HEATR6: variants seen among roughly 807,000 people sequenced by gnomAD.
HEATR6 encodes the protein HEAT repeat containing 6.
A neutral mutation model predicts 132.8 loss-of-function variants in HEATR6; 106 were observed. The observed-to-expected ratio is 0.80, with a 90% CI of 0.68 to 0.94. The LOEUF (loss-of-function observed/expected upper bound fraction) is 0.94. HEATR6 is among the 40% of genes least tolerant of loss of function. The probability of loss-of-function intolerance (pLI) is 0.00; values close to 1 mark genes in which losing one functional copy is unlikely to be tolerated. For synonymous variants in HEATR6, 529 were observed against 537.8 expected (o/e 0.98, Z 0.23); for missense variants, 1,339 against 1,425.1 (o/e 0.94, Z 0.97).
chr17:60,077,265 G>A (rs1430622187), intron 1 of HEATR6, among the ~76,000 whole-genome samples: 1 of 152,190 alleles, frequency 6.6e-6, no homozygotes, highest in Non-Finnish European at 1.5e-5. Context: ...AGGATGAGGA[G>A]AAATTTGCCA....
At position 60,047,422 on chromosome 17, in the gene HEATR6, A is replaced by G. The variant is rs1394697281; in HGVS notation, c.2673-17T>C. ...GGTGTTTCCCTGTTCCACCCAAAGCAGACAACACATGTTAAAAGGTAAATA... is the reference window on the plus strand; with the variant it reads ...GGTGTTTCCCTGTTCCACCCAAAGCGGACAACACATGTTAAAAGGTAAATA... On this transcript the variant is annotated splice_polypyrimidine_tract_variant and intron_variant, in intron 17 of 19. Coordinates refer to ENST00000184956, the MANE Select transcript of HEATR6 (RefSeq NM_022070.5). 2.0e-6 allele frequency: 3 copies of G among 1,511,602 alleles called. No homozygotes were observed. Among genetic ancestry groups the G allele is most frequent in the Non-Finnish European group, 2.8e-6 (3 of 1,089,566 alleles). 93.6% of individuals were successfully genotyped at this position (1,511,602 alleles called of 1,614,324 possible). A position where few individuals can be genotyped will look rare whatever the true frequency, so the allele number is the denominator to read the frequency against.
chr17:60,049,689 A>G lies in HEATR6; in HGVS notation c.2438T>C (p.Met813Thr), dbSNP rs771759317. The change falls in exon 16 of 20, where the codon ATG becomes ACG. Residue 813 changes from methionine to threonine, a missense_variant. Physicochemically the swap from Met to Thr is moderately conservative, Grantham distance 81 (BLOSUM62 -1). Coordinates refer to ENST00000184956, the MANE Select transcript of HEATR6 (RefSeq NM_022070.5). Reference sequence around the variant, plus strand: ...CCCGAGCAGCACTGTGATGCACAGCATCTGCCTGTCATTCTGCAATGAGAA... The same window carrying G: ...CCCGAGCAGCACTGTGATGCACAGCGTCTGCCTGTCATTCTGCAATGAGAA... ...AFSNLPNDRQMLCITVLLGLN... is the reference protein window; with the variant it reads ...AFSNLPNDRQTLCITVLLGLN... The G allele has an allele frequency of 3.1e-6, 5 of 1,613,290 alleles. No homozygotes were observed. The African/African-American group carries it at 6.7e-5, about 22-fold the overall frequency.
chr17:60,047,465 A>G, intron 17 of HEATR6, 60 bp from the exon 18 acceptor site: 6 of 906,844 alleles, frequency 6.6e-6, no homozygotes, highest in Non-Finnish European at 1.0e-5. Flanking sequence ...ATATATACAT[A>G]TAGAAATATA....
At chr17:60,074,161 T>A (rs749356522) in intron 2 of HEATR6, 76 of 1,160,390 alleles carry the variant, frequency 6.5e-5, no homozygotes, top group Non-Finnish European at 7.7e-5. Flanking sequence ...CATTGGCAGC[T>A]GTGAATACAC....
At chr17:60,071,048 T>C (rs1390155094) in intron 5 of HEATR6, among the ~76,000 whole-genome samples, 1 of 152,172 alleles carries the variant, frequency 6.6e-6, no homozygotes, top group Non-Finnish European at 1.5e-5. Context: ...TACATGTTTA[T>C]AAACCACTAT....
intron 14 of HEATR6, among the ~76,000 whole-genome samples, chr17:60,053,309 T>C (rs908554037): frequency 2.6e-5 from 4 of 152,248 alleles, no homozygotes; most frequent in African/African-American, 4.8e-5. Flanking sequence ...GCTGGCACCA[T>C]GCTTCTCGTA....
intron 10 of HEATR6, 60 bp downstream of exon 10, chr17:60,059,830 A>G: frequency 8.0e-7 from 1 of 1,244,252 alleles, no homozygotes; most frequent in Non-Finnish European, 1.2e-6. Context: ...GAGCTATGTA[A>G]AACAGTATAC....
At position 60,041,516 on chromosome 17, in the gene HEATR6, T is replaced by A. The variant is rs767142489; in HGVS notation, c.*2047A>T. On this transcript the variant is annotated 3_prime_UTR_variant, in exon 20 of 20. Coordinates refer to ENST00000184956, the MANE Select transcript of HEATR6 (RefSeq NM_022070.5). ...ATTCAAGAGACGGAAGTTCCAAGAT[T>A]CATCACAGGGTCAGGTGGGCTCAAC... 6.6e-6 allele frequency among the ~76,000 whole-genome samples: 1 copy of A among 152,180 alleles called. No homozygotes were observed. Among genetic ancestry groups the A allele is most frequent in the Non-Finnish European group, 1.5e-5 (1 of 68,018 alleles).
Position 60,059,647 on chromosome 17 carries a change from AT to A in HEATR6, c.1624-127del. ...TAAAAATTAGCCCCCCTTTTTTTTA[AT>A]AACACTTGTATTCTCATTGGTACAA... On this transcript the variant is annotated intron_variant, in intron 10 of 19. Transcript: ENST00000184956. 5 of 678,420 alleles carry A rather than the reference AT, an allele frequency of 7.4e-6. No homozygotes were observed. The South Asian group carries it at 9.5e-5, about 13-fold the overall frequency. 42.0% of individuals were successfully genotyped at this position (678,420 alleles called of 1,614,324 possible).
At chr17:60,071,630 C>G (rs2083270192) in intron 5 of HEATR6, among the ~76,000 whole-genome samples, 2 of 152,034 alleles carry the variant, frequency 1.3e-5, no homozygotes, top group African/African-American at 4.8e-5. Context: ...ATAGATGTCC[C>G]AGAGATATTA....
At position 60,042,740 on chromosome 17, in the gene HEATR6, TG is replaced by T. The variant is rs1489914303; in HGVS notation, c.*822del. On this transcript the variant is annotated 3_prime_UTR_variant, in exon 20 of 20. Coordinates refer to ENST00000184956, the MANE Select transcript of HEATR6 (RefSeq NM_022070.5). ...TCAGCATCCTCGCGTCCTGTGCGGC[TG>T]TGAGGCACCGTCAGCATCCTCGCGT... is the stretch of plus-strand genomic sequence containing the variant. Among the ~76,000 whole-genome samples the T allele has an allele frequency of 1.4e-5, 1 of 71,250 alleles. No individual in the cohort carries two copies. The highest frequency in any genetic ancestry group is 2.5e-5 in the Non-Finnish European group (1 of 39,494). The allele number at this position is 71,250 out of a possible 152,430, so 46.7% of individuals were successfully genotyped here.
chr17:60,047,455 A>G (rs1450592048), intron 17 of HEATR6, 50 bp from the exon 18 acceptor site: 1 of 1,010,468 alleles, frequency 9.9e-7, no homozygotes, highest in Non-Finnish European at 1.5e-6. Context: ...ATACACTTAA[A>G]TATATACATA....
At position 60,050,935 on chromosome 17, in the gene HEATR6, T is replaced by C. The variant is rs1318395614; in HGVS notation, c.2332A>G (p.Arg778Gly). The C allele has an allele frequency of 8.7e-6, 14 of 1,614,094 alleles. No homozygotes were observed. The highest frequency in any genetic ancestry group is 1.2e-5 in the Non-Finnish European group (14 of 1,180,048). Residue 778 changes from arginine to glycine, a missense_variant, in exon 15 of 20, where the codon AGA becomes GGA. Arg to Gly is a moderately radical substitution (Grantham distance 125, BLOSUM62 -2). Transcript: ENST00000184956. The part of the protein sequence containing the change: ...WTMMLNGPLP[R>G]ALQNSEHPTL... ...GGGTGTTCTGAATTCTGCAGGGCTC[T>C]GGGTAAAGGACCGTTCAGCATCATA...
chr17:60,072,349 A>G lies in HEATR6; in HGVS notation c.585-20T>C. The G allele has an allele frequency of 7.4e-7, 1 of 1,352,826 alleles. No individual in the cohort carries two copies. 83.8% of individuals were successfully genotyped at this position (1,352,826 alleles called of 1,614,324 possible). A position where few individuals can be genotyped will look rare whatever the true frequency, so the allele number is the denominator to read the frequency against. On this transcript the variant is annotated intron_variant, in intron 4 of 19. Coordinates refer to ENST00000184956, the MANE Select transcript of HEATR6 (RefSeq NM_022070.5). The stretch of plus-strand genomic sequence containing the variant: ...GGCACACTAAACGCATACAGAGAAA[A>G]CAACTCAAACTCAGTCTCCTTTAAA...
chr17:60,064,871 C>T (rs1305282072), intron 9 of HEATR6: 1 of 152,038 alleles, frequency 6.6e-6, no homozygotes, highest in Non-Finnish European at 1.5e-5. Context: ...TCAGCTATGA[C>T]CTCATAACCT....
intron 2 of HEATR6, 120 bp from the exon 3 acceptor site, chr17:60,074,006 T>C (rs2083284344): frequency 2.1e-6 from 3 of 1,427,714 alleles, no homozygotes; most frequent in Non-Finnish European, 2.7e-6. Flanking sequence ...CTGTCGTTTA[T>C]GTGTCAAAAG....
At chr17:60,056,778 A>T (rs530756466) in intron 12 of HEATR6, among the ~76,000 whole-genome samples, 1 of 152,268 alleles carries the variant, frequency 6.6e-6, no homozygotes, top group South Asian at 2.1e-4. Context: ...ATTATTCTAC[A>T]ATCTATTACA....
At chr17:60,051,251 C>G (rs531628026) in intron 14 of HEATR6, among the ~76,000 whole-genome samples, 2 of 152,232 alleles carry the variant, frequency 1.3e-5, no homozygotes, top group African/African-American at 4.8e-5. Context: ...ATGACAGTAA[C>G]AGCAACAGCA....
rs2145204177 is a variant in HEATR6 at position 60,076,191 on chromosome 17, T to G, written c.266A>C (p.Asn89Thr). 6.2e-7 allele frequency: 1 copy of G among 1,612,094 alleles called. No homozygotes were observed. The highest frequency in any genetic ancestry group is 8.5e-7 in the Non-Finnish European group (1 of 1,179,670). ...LVQACRLVPL[N>T]QNHLVSKVSQ... ...CACTTTGCTGACAAGATGATTCTGA[T>G]TAAGAGGTACCAGTCGGCAAGCCTG... The change falls in exon 2 of 20, where the codon AAT becomes ACT. Residue 89 changes from asparagine (N) to threonine (T), a missense_variant. Physicochemically the swap from Asn to Thr is moderately conservative, Grantham distance 65. Transcript: ENST00000184956.
Sources: allele counts gnomAD v4.1 joint callset (sites outside exome capture counted in the v4.1 genomes callset), GRCh38; gene constraint gnomAD v4.1.1; transcripts MANE v1.5; gene names NCBI Gene and HGNC (gene_info 2026-07-23, HGNC 2026-07-21).